UNC79: variants seen among roughly 807,000 people sequenced by gnomAD.
UNC79 encodes the protein unc-79 subunit of NALCN channel complex.
Under a neutral mutation model 283.1 loss-of-function variants are expected in UNC79, and 37 were observed. The ratio of observed to expected loss-of-function variants is 0.13; its 90% confidence interval spans 0.10 to 0.17. The LOEUF (loss-of-function observed/expected upper bound fraction) is 0.17, where lower values mean the gene tolerates loss of function less well. UNC79 is among the 10% of genes least tolerant of loss of function. The probability of loss-of-function intolerance (pLI) is 1.00; values close to 1 mark genes in which losing one functional copy is unlikely to be tolerated. For missense variants in UNC79, 2,272 were observed against 3,211.1 expected, an observed-to-expected ratio of 0.71 and a Z score of 7.07; for synonymous variants, 1,107 against 1,200.2, an observed-to-expected ratio of 0.92 and a Z score of 1.61.
At chr14:93,596,657 A>G (rs1411037160) in intron 23 of UNC79, among the ~76,000 whole-genome samples, 1 of 152,172 alleles carries the variant, frequency 6.6e-6, no homozygotes, top group African/African-American at 2.4e-5. Flanking sequence ...CAAAACCAAC[A>G]AACAAAAGAA....
intron 29 of UNC79, 131 bp downstream of exon 30, chr14:93,618,485 T>G: frequency 9.4e-7 from 1 of 1,066,458 alleles, no homozygotes. Context: ...TTTCTTAATT[T>G]TCCAACTTTC....
At chr14:93,408,294 G>A (rs2055267174) in intron 1 of UNC79, among the ~76,000 whole-genome samples, 2 of 152,204 alleles carry the variant, frequency 1.3e-5, no homozygotes, top group African/African-American at 4.8e-5. Flanking sequence ...AATGCTAGAA[G>A]TAGAAAACAC....
chr14:93,506,376 C>T (rs956188445), intron 7 of UNC79, among the ~76,000 whole-genome samples: 4 of 152,116 alleles, frequency 2.6e-5, no homozygotes, highest in Non-Finnish European at 5.9e-5. Flanking sequence ...GCACCTGCCA[C>T]CATGCCTGGC....
chr14:93,347,232 T>C (rs1246124478), intron 1 of UNC79: 2 of 1,571,312 alleles, frequency 1.3e-6, no homozygotes, highest in African/African-American at 2.7e-5. Flanking sequence ...ACCTCACCTG[T>C]GCTGTCCACG....
chr14:93,361,930 T>C (rs1260800670), intron 1 of UNC79, among the ~76,000 whole-genome samples: 1 of 152,216 alleles, frequency 6.6e-6, no homozygotes, highest in Non-Finnish European at 1.5e-5. Context: ...CAAAAGCCTT[T>C]TTTGAGTCTA....
chr14:93,515,025 T>G (rs1204100572), intron 7 of UNC79, among the ~76,000 whole-genome samples: 1 of 152,152 alleles, frequency 6.6e-6, no homozygotes, highest in Non-Finnish European at 1.5e-5. Flanking sequence ...CGTACATCCT[T>G]TTATGCATAT....
At chr14:93,625,209 G>C (rs1382286123) in intron 30 of UNC79, among the ~76,000 whole-genome samples, 1 of 152,140 alleles carries the variant, frequency 6.6e-6, no homozygotes, top group African/African-American at 2.4e-5. Flanking sequence ...CATGTCACTG[G>C]ACTTGGCCAG....
chr14:93,704,475 T>C, intron 47 of UNC79, 150 bp from the exon 51 acceptor site: 1 of 868,274 alleles, frequency 1.2e-6, no homozygotes, highest in Non-Finnish European at 1.8e-6. Context: ...AGAAAGACAT[T>C]TTGCTGATAA....
chr14:93,691,225 A>T (rs1310178578), intron 45 of UNC79: 1 of 164,444 alleles, frequency 6.1e-6, no homozygotes, highest in Admixed American at 5.6e-5. Context: ...GATATAGGAA[A>T]AGCCTCTGGC....
intron 1 of UNC79, among the ~76,000 whole-genome samples, chr14:93,351,184 T>C (rs74447466): frequency 0.072 from 10,940 of 152,188 alleles, 814 homozygotes; most frequent in African/African-American, 0.19. Flanking sequence ...CTTAAAAAAA[T>C]GAAGATTTTA....
chr14:93,343,148 T>G (rs780740859), intron 1 of UNC79, among the ~76,000 whole-genome samples: 5 of 152,236 alleles, frequency 3.3e-5, no homozygotes, highest in Non-Finnish European at 7.3e-5. Flanking sequence ...TTTATAGCAG[T>G]ACCCCACTCC....
intron 7 of UNC79, 89 bp from the exon 8 acceptor site, chr14:93,523,889 A>G: frequency 1.4e-6 from 2 of 1,402,112 alleles, no homozygotes; most frequent in Non-Finnish European, 2.0e-6. Context: ...GGTTCTGTTT[A>G]GAAAAAAGAA....
intron 7 of UNC79, among the ~76,000 whole-genome samples, chr14:93,519,417 A>G (rs1567041563): frequency 6.6e-6 from 1 of 151,800 alleles, no homozygotes; most frequent in African/African-American, 2.4e-5. Context: ...TATGTTTTTC[A>G]CAGGCAGCAT....
chr14:93,459,142 C>T (rs2056873115), intron 1 of UNC79, among the ~76,000 whole-genome samples: 1 of 152,184 alleles, frequency 6.6e-6, no homozygotes, highest in Non-Finnish European at 1.5e-5. Context: ...CAGGTGGGTG[C>T]CACCAAAACT....
At chr14:93,569,391 C>T (rs559583705) in intron 14 of UNC79, among the ~76,000 whole-genome samples, 17 of 152,180 alleles carry the variant, frequency 1.1e-4, no homozygotes, top group South Asian at 4.1e-4. Context: ...GAACTGAAAT[C>T]GCGCCATTGC....
At chr14:93,520,914 G>A (rs972844969) in intron 7 of UNC79, among the ~76,000 whole-genome samples, 8 of 151,736 alleles carry the variant, frequency 5.3e-5, no homozygotes, top group Non-Finnish European at 1.0e-4. Flanking sequence ...TTTCCCCCTG[G>A]TTATGAGTGA....
At chr14:93,600,845 G>T in intron 25 of UNC79, 75 bp downstream of exon 25, 3 of 1,526,940 alleles carry the variant, frequency 2.0e-6, no homozygotes, top group Non-Finnish European at 2.7e-6. Context: ...GAAGACATTG[G>T]CATGTCGTTT....
At chr14:93,564,724 T>C (rs542674438) in intron 14 of UNC79, among the ~76,000 whole-genome samples, 1 of 150,448 alleles carries the variant, frequency 6.6e-6, no homozygotes, top group African/African-American at 2.4e-5. Flanking sequence ...GGGTAGGTAG[T>C]GGAAAATTAC....
chr14:93,460,617 T>A (rs1366813533), intron 1 of UNC79, among the ~76,000 whole-genome samples: 10 of 152,194 alleles, frequency 6.6e-5, no homozygotes, highest in Admixed American at 5.9e-4. Flanking sequence ...AAACAGTTAC[T>A]GTCTTTCTGA....
Sources: gnomAD v4.1 joint callset for allele counts (sites outside exome capture counted in the v4.1 genomes callset) on GRCh38, gnomAD v4.1.1 for gene constraint, MANE v1.5 for transcripts, NCBI Gene and HGNC (gene_info 2026-07-23, HGNC 2026-07-21) for gene names.